Variants in CASD1 observed in about 807,000 individuals in gnomAD.
CASD1 encodes N-acetylneuraminate (7)9-O-acetyltransferase.
Under a neutral mutation model 100.0 loss-of-function variants are expected in CASD1, and 41 were observed. That is an observed-to-expected ratio of 0.41 (90% CI 0.32 to 0.53). The LOEUF (loss-of-function observed/expected upper bound fraction) is 0.53. CASD1 is among the 20% of genes least tolerant of loss of function. The pLI, the probability that CASD1 is intolerant of heterozygous loss-of-function variation, is 0.25. For missense variants in CASD1, 774 were observed against 948.7 expected (o/e 0.82, Z 2.42); for synonymous variants, 321 against 315.6 (o/e 1.02, Z -0.18).
At chr7:94,547,901 A>C (rs1382621778) in intron 13 of CASD1, among the ~76,000 whole-genome samples, 1 of 151,532 alleles carries the variant, frequency 6.6e-6, no homozygotes, top group East Asian at 1.9e-4. Flanking sequence ...GAAGTGCCCT[A>C]TAGGCATTTT....
the CASD1 span, chr7:94,588,392 G>T: frequency 8.5e-7 from 1 of 1,173,222 alleles, no homozygotes; most frequent in Non-Finnish European, 1.1e-6. Context: ...TTCATACCAA[G>T]GGGAAGAATA....
chr7:94,537,431 C>T, intron 8 of CASD1, 41 bp from the exon 9 acceptor site: 1 of 1,529,922 alleles, frequency 6.5e-7, no homozygotes, highest in Non-Finnish European at 8.8e-7. Flanking sequence ...TGAAATACAT[C>T]ACTGACAAGA....
At chr7:94,605,430 A>G in the CASD1 span, among the ~76,000 whole-genome samples, 1 of 152,198 alleles carries the variant, frequency 6.6e-6, no homozygotes, top group Non-Finnish European at 1.5e-5. Context: ...AAATAATAGC[A>G]ACAATCTATT....
chr7:94,594,964 C>T, the CASD1 span, among the ~76,000 whole-genome samples: 1 of 152,218 alleles, frequency 6.6e-6, no homozygotes, highest in South Asian at 2.1e-4. Flanking sequence ...CTGTCCACTG[C>T]CTCTTTATTC....
the CASD1 span, among the ~76,000 whole-genome samples, chr7:94,564,483 C>T: frequency 5.9e-5 from 9 of 152,192 alleles, no homozygotes; most frequent in Non-Finnish European, 1.2e-4. Context: ...TTCCACTTGG[C>T]CTTCATCCTC....
chr7:94,526,667 C>T (rs1236329328), intron 3 of CASD1, among the ~76,000 whole-genome samples: 17 of 152,024 alleles, frequency 1.1e-4, no homozygotes, highest in Admixed American at 1.1e-3. Context: ...GTGGCGTGCA[C>T]CTGTGGTCCT....
chr7:94,514,975 A>C (rs1164085623), intron 1 of CASD1, among the ~76,000 whole-genome samples: 2 of 152,118 alleles, frequency 1.3e-5, no homozygotes, highest in Non-Finnish European at 2.9e-5. Flanking sequence ...TTTCCTGAGA[A>C]AAGAGAATTT....
chr7:94,558,382 G>A (rs1296520117), downstream of CASD1, among the ~76,000 whole-genome samples: 2 of 152,174 alleles, frequency 1.3e-5, no homozygotes, highest in African/African-American at 4.8e-5. Flanking sequence ...CCACATGGGA[G>A]TCTGTTGCAT....
At chr7:94,586,904 T>C in the CASD1 span, 1 of 984,790 alleles carries the variant, frequency 1.0e-6, no homozygotes, top group Non-Finnish European at 1.2e-6. Flanking sequence ...CTTAAGATAT[T>C]TTGGGGACTC....
At chr7:94,548,907 C>G (rs1795810684) in intron 13 of CASD1, among the ~76,000 whole-genome samples, 1 of 151,862 alleles carries the variant, frequency 6.6e-6, no homozygotes, top group African/African-American at 2.4e-5. Flanking sequence ...CTGTCAGATT[C>G]ATAAGAGGGT....
the CASD1 span, among the ~76,000 whole-genome samples, chr7:94,631,887 A>G: frequency 2.6e-5 from 4 of 152,058 alleles, no homozygotes; most frequent in African/African-American, 9.7e-5. Flanking sequence ...CTAATTATCT[A>G]ATTCATTCTT....
At chr7:94,538,816 G>T (rs539253589) in intron 9 of CASD1, 151 bp from the exon 10 acceptor site, 3 of 428,226 alleles carry the variant, frequency 7.0e-6, no homozygotes, top group South Asian at 1.4e-4. Context: ...GAAATAAAAT[G>T]ACAGTTTTTA....
At chr7:94,618,146 A>G in the CASD1 span, 6 of 152,350 alleles carry the variant, frequency 3.9e-5, no homozygotes, top group Non-Finnish European at 8.8e-5. Context: ...GAACTGACAA[A>G]TACCTTTCAA....
At position 94,544,436 on chromosome 7, in the gene CASD1, G is replaced by T; in HGVS notation, c.1382G>T (p.Arg461Leu). ...TTTTTGCCTGTATACATGCACATTC[G>T]AGTTCTGGTTGCTGCATATTTATTT... ...STFLPVYMHI[R>L]VLVAAYLFQT... is the part of the protein sequence containing the mutation. The change falls in exon 11 of 18, where the codon CGA (arginine) becomes CTA (leucine). Residue 461 changes from arginine to leucine, a missense_variant. By Grantham distance (102) the Arg-to-Leu change is moderately radical (BLOSUM62 -2). Around this residue, in one of 5 missense-constraint regions of CASD1, gnomAD observed 453 missense variants for 532.6 expected, o/e 0.85. Coordinates refer to ENST00000297273, the MANE Select transcript of CASD1 (RefSeq NM_022900.5). 1.2e-6 allele frequency: 2 copies of T among 1,613,036 alleles called. No homozygotes were observed. The highest frequency in any genetic ancestry group is 1.7e-6 in the Non-Finnish European group (2 of 1,179,456).
At chr7:94,538,056 G>C (rs971716553) in intron 9 of CASD1, among the ~76,000 whole-genome samples, 162 bp downstream of exon 9, 7 of 152,072 alleles carry the variant, frequency 4.6e-5, no homozygotes, top group Admixed American at 1.3e-4. Flanking sequence ...ACTCTTAACT[G>C]TTCCTTTTTC....
chr7:94,541,511 T>A (rs1795393449), intron 10 of CASD1, among the ~76,000 whole-genome samples: 1 of 145,608 alleles, frequency 6.9e-6, no homozygotes, highest in Non-Finnish European at 1.5e-5. Flanking sequence ...GTTTGGTATA[T>A]ACAGTAGGTG....
chr7:94,511,670 GTAATT>G (rs1159955124), intron 1 of CASD1, among the ~76,000 whole-genome samples: 2 of 152,142 alleles, frequency 1.3e-5, no homozygotes, highest in East Asian at 3.9e-4. Flanking sequence ...TAAAAGAACA[GTAATT>G]TAATTCAATT....
chr7:94,509,996 C>A lies in CASD1; in HGVS notation c.-89C>A, dbSNP rs947219583. ...CTGGGGAGCTGGCGGCCGCTCCTCG[C>A]CTGGCTGCAGCGGCGGCAGCCCCAG... On this transcript the variant is annotated 5_prime_UTR_variant, in exon 1 of 18. Coordinates refer to ENST00000297273, the MANE Select transcript of CASD1 (RefSeq NM_022900.5). 7.8e-7 allele frequency: 1 copy of A among 1,285,408 alleles called. No homozygotes were observed. Among genetic ancestry groups the A allele is most frequent in the Non-Finnish European group, 1.0e-6 (1 of 1,003,860 alleles). 79.6% of individuals were successfully genotyped at this position (1,285,408 alleles called of 1,614,324 possible). A position where few individuals can be genotyped will look rare whatever the true frequency, so the allele number is the denominator to read the frequency against.
intron 7 of CASD1, among the ~76,000 whole-genome samples, chr7:94,534,172 T>C (rs1280854357): frequency 3.4e-5 from 5 of 145,888 alleles, no homozygotes; most frequent in Non-Finnish European, 7.5e-5. Flanking sequence ...TTTTTTTTTT[T>C]TTTTTTTTTT....
Sources: allele counts gnomAD v4.1 joint callset (sites outside exome capture counted in the v4.1 genomes callset), GRCh38; gene constraint gnomAD v4.1.1; regional missense constraint gnomAD v4.1.1; transcripts MANE v1.5; gene names NCBI Gene and HGNC (gene_info 2026-07-23, HGNC 2026-07-21).